Variants in CNTN6 observed in about 807,000 individuals in gnomAD.
The protein encoded by CNTN6 is contactin 6, also known as contactin-6.
Under a neutral mutation model 122.8 loss-of-function variants are expected in CNTN6, and 137 were observed. The ratio of observed to expected loss-of-function variants is 1.12; its 90% CI spans 0.97 to 1.29. The LOEUF is 1.29. Among genes scored for constraint, CNTN6 ranks in the 50% most tolerant of loss-of-function variants. CNTN6 has a pLI of 0.00. For missense variants in CNTN6, 1,634 were observed against 1,223.4 expected (o/e 1.34, Z -5.01); for synonymous variants, 570 against 426.0 (o/e 1.34, Z -4.16).
chr3:1,300,449 C>CAGGAAGGAAGGAAGGAAGGA (rs72054486), intron 7 of CNTN6, among the ~76,000 whole-genome samples: 78 of 114,486 alleles, frequency 6.8e-4, no homozygotes, highest in African/African-American at 2.8e-3. Flanking sequence ...AGGGTCAGTT[C>CAGGAAGGAAGGAAGGAAGGA]AGGAAGGAAG....
intron 1 of CNTN6, among the ~76,000 whole-genome samples, chr3:1,134,718 G>A (rs532443662): frequency 2.0e-4 from 31 of 151,534 alleles, no homozygotes; most frequent in South Asian, 6.2e-4. Flanking sequence ...TTTGTTTTCC[G>A]GGTAGTTTAA....
intron 4 of CNTN6, among the ~76,000 whole-genome samples, chr3:1,254,961 T>C (rs1203470084): frequency 6.6e-6 from 1 of 152,114 alleles, no homozygotes; most frequent in Non-Finnish European, 1.5e-5. Flanking sequence ...GGTGGTCACA[T>C]ATGCAGTTAC....
intron 4 of CNTN6, among the ~76,000 whole-genome samples, chr3:1,270,116 A>G (rs1423171280): frequency 6.6e-6 from 1 of 152,190 alleles, no homozygotes; most frequent in African/African-American, 2.4e-5. Flanking sequence ...AGGAAACATA[A>G]TAATATCATG....
intron 2 of CNTN6, among the ~76,000 whole-genome samples, chr3:1,202,113 C>A (rs548214490): frequency 6.6e-6 from 1 of 152,130 alleles, no homozygotes; most frequent in Non-Finnish European, 1.5e-5. Context: ...CAGTTCATGT[C>A]GCTGGGGAGT....
chr3:1,188,183 A>G (rs576559795), intron 2 of CNTN6, among the ~76,000 whole-genome samples: 1 of 152,322 alleles, frequency 6.6e-6, no homozygotes, highest in African/African-American at 2.4e-5. Flanking sequence ...GGTAGAGAGG[A>G]CTGAAGTCTT....
At chr3:1,273,397 C>A (rs886123409) in intron 4 of CNTN6, among the ~76,000 whole-genome samples, 1 of 152,146 alleles carries the variant, frequency 6.6e-6, no homozygotes, top group African/African-American at 2.4e-5. Context: ...AAGAATAAAT[C>A]TAGAGTTTTT....
At chr3:1,333,365 A>ATT (rs909799744) in intron 11 of CNTN6, among the ~76,000 whole-genome samples, 1 of 152,042 alleles carries the variant, frequency 6.6e-6, no homozygotes, top group African/African-American at 2.4e-5. Flanking sequence ...CCCAGTACAC[A>ATT]TTTTTTAATG....
intron 2 of CNTN6, among the ~76,000 whole-genome samples, chr3:1,189,226 G>C (rs1360139656): frequency 6.6e-6 from 1 of 152,100 alleles, no homozygotes. Context: ...AGACAAAATA[G>C]CTGAGTAAAC....
chr3:1,241,951 A>T (rs1027686983), intron 4 of CNTN6, among the ~76,000 whole-genome samples: 2 of 152,348 alleles, frequency 1.3e-5, no homozygotes, highest in Middle Eastern at 3.4e-3. Context: ...CAGAAAGGCT[A>T]CAGGGTGTGG....
In CNTN6 at chr3:1,143,016, T is replaced by C. The variant is rs187158126; in HGVS notation, c.-82-4911T>C. On this transcript the variant is annotated intron_variant, in intron 1 of 22. Transcript: ENST00000446702. ...TATATATATATATGTATATGCCCAA[T>C]GAACAATACACTTATCATCAACCAA... Among the ~76,000 whole-genome samples, 317 of 126,740 alleles carry C rather than the reference T, an allele frequency of 2.5e-3. 2 individuals carry two copies. The highest frequency in any genetic ancestry group is 9.4e-3 in the African/African-American group (303 of 32,358). 83.1% of individuals were successfully genotyped at this position (126,740 alleles called of 152,430 possible).
At chr3:1,276,653 T>C (rs73818535) in intron 4 of CNTN6, among the ~76,000 whole-genome samples, 32,690 of 152,008 alleles carry the variant, frequency 0.22, 3,794 homozygotes, top group South Asian at 0.33. Flanking sequence ...AGCAGTTCTT[T>C]CCCTCTGCCT....
chr3:1,391,851 A>T (rs1437887450), intron 20 of CNTN6, among the ~76,000 whole-genome samples: 8 of 152,188 alleles, frequency 5.3e-5, no homozygotes, highest in Admixed American at 4.6e-4. Context: ...CTTACAAGGG[A>T]TGTGAAGGAC....
At chr3:1,344,138 A>G (rs1488335641) in intron 11 of CNTN6, among the ~76,000 whole-genome samples, 44 of 152,018 alleles carry the variant, frequency 2.9e-4, no homozygotes, top group Non-Finnish European at 1.5e-5. Context: ...CGTGAACTCT[A>G]GTGACTGGAG....
At chr3:1,141,260 G>C (rs1032093575) in intron 1 of CNTN6, among the ~76,000 whole-genome samples, 9 of 152,128 alleles carry the variant, frequency 5.9e-5, no homozygotes, top group African/African-American at 2.2e-4. Context: ...AAAAACAAAA[G>C]GGCAATTAGT....
intron 4 of CNTN6, among the ~76,000 whole-genome samples, chr3:1,269,831 T>G (rs2125748073): frequency 6.6e-6 from 1 of 152,288 alleles, no homozygotes; most frequent in Non-Finnish European, 1.5e-5. Flanking sequence ...ATTCATTATA[T>G]TCCCAGAAAA....
chr3:1,154,483 G>A (rs1402589762), intron 2 of CNTN6, among the ~76,000 whole-genome samples: 1 of 134,280 alleles, frequency 7.4e-6, no homozygotes, highest in Non-Finnish European at 1.5e-5. Flanking sequence ...TGCTCTTGTT[G>A]CCCAGGCTAC....
At chr3:1,156,401 T>C (rs2092962957) in intron 2 of CNTN6, among the ~76,000 whole-genome samples, 1 of 152,204 alleles carries the variant, frequency 6.6e-6, no homozygotes, top group Non-Finnish European at 1.5e-5. Flanking sequence ...CTGAGAAATA[T>C]ATAGTATTTA....
chr3:1,353,617 C>T (rs952093153), intron 12 of CNTN6, among the ~76,000 whole-genome samples: 27 of 151,534 alleles, frequency 1.8e-4, no homozygotes, highest in African/African-American at 6.5e-4. Flanking sequence ...TATTTAGGAA[C>T]AGACTATTTC....
At position 1,403,554 on chromosome 3, in the gene CNTN6, C is replaced by T. The variant is rs1202668273; in HGVS notation, c.*136C>T. 1 of 499,154 alleles carries T rather than the reference C, an allele frequency of 2.0e-6. No homozygotes were observed. 30.9% of individuals were successfully genotyped at this position (499,154 alleles called of 1,614,324 possible). On this transcript the variant is annotated 3_prime_UTR_variant, in exon 23 of 23. Coordinates refer to ENST00000446702, the MANE Select transcript of CNTN6 (RefSeq NM_001289080.2). The stretch of plus-strand genomic sequence containing the variant: ...AAAAAAAAAGTATATTATTAAAATC[C>T]TGTAAATATCTATGGTATATTAATA...
Sources: gnomAD v4.1 joint callset for allele counts (sites outside exome capture counted in the v4.1 genomes callset) on GRCh38, gnomAD v4.1.1 for gene constraint, MANE v1.5 for transcripts, NCBI Gene and HGNC (gene_info 2026-07-23, HGNC 2026-07-21) for gene names.